The following PTPRT variants were observed in gnomAD, a reference collection of about 807,000 sequenced individuals.
PTPRT encodes protein tyrosine phosphatase receptor type T, also known as receptor-type tyrosine-protein phosphatase T.
A neutral mutation model predicts 176.8 loss-of-function variants in PTPRT; 56 were observed. The observed-to-expected ratio is 0.32, with a 90% CI of 0.26 to 0.40. PTPRT has a LOEUF of 0.40. PTPRT is among the 10% of genes least tolerant of loss of function. The pLI is 1.00. For missense variants in PTPRT, 1,540 were observed against 1,908.2 expected (o/e 0.81, Z 3.60); for synonymous variants, 783 against 739.0 (o/e 1.06, Z -0.96).
At chr20:43,101,098 T>A (rs2012377059) in intron 1 of PTPRT, among the ~76,000 whole-genome samples, 1 of 152,176 alleles carries the variant, frequency 6.6e-6, no homozygotes, top group South Asian at 2.1e-4. Context: ...TAATGCCACA[T>A]AAACACATGC....
intron 16 of PTPRT, among the ~76,000 whole-genome samples, chr20:42,193,193 C>A (rs1050155602): frequency 6.6e-6 from 1 of 152,166 alleles, no homozygotes; most frequent in African/African-American, 2.4e-5. Context: ...AAAATGAATT[C>A]GATAATAATC....
Position 42,967,261 on chromosome 20 carries a change from C to T in PTPRT, c.89-81329G>A, listed in dbSNP as rs1361795125. Among the ~76,000 whole-genome samples, 4 of 152,128 alleles carry T rather than the reference C, an allele frequency of 2.6e-5. No homozygotes were observed. The South Asian group carries it at 6.2e-4, about 24-fold the overall frequency. On this transcript the variant is annotated intron_variant, in intron 1 of 30. Transcript: ENST00000373187. ...TGTGAATCTGACCTTATTTGGAAAA[C>T]GGGTCTTAGCAGATGTAATTAATTT...
At chr20:42,313,600 T>A (rs1354265470) in intron 12 of PTPRT, among the ~76,000 whole-genome samples, 1 of 152,158 alleles carries the variant, frequency 6.6e-6, no homozygotes, top group Non-Finnish European at 1.5e-5. Context: ...TCCCATCTCA[T>A]CATGGAAACC....
At chr20:43,079,984 G>A (rs561990818) in intron 1 of PTPRT, among the ~76,000 whole-genome samples, 7 of 152,112 alleles carry the variant, frequency 4.6e-5, no homozygotes, top group Admixed American at 2.0e-4. Context: ...GTAGGCTTTC[G>A]GAGAAAAGCC....
intron 7 of PTPRT, among the ~76,000 whole-genome samples, chr20:42,475,413 A>T (rs2071272454): frequency 6.6e-6 from 1 of 152,250 alleles, no homozygotes; most frequent in African/African-American, 2.4e-5. Flanking sequence ...TCTGTCCTAG[A>T]GGAAACCAAA....
At chr20:42,118,106 G>C (rs889065200) in intron 21 of PTPRT, among the ~76,000 whole-genome samples, 8 of 152,178 alleles carry the variant, frequency 5.3e-5, no homozygotes, top group African/African-American at 1.9e-4. Flanking sequence ...GACAGTTGTA[G>C]ATACAAGTAG....
intron 6 of PTPRT, among the ~76,000 whole-genome samples, chr20:42,717,867 C>CTGTG (rs72024227): frequency 0.048 from 7,192 of 150,202 alleles, 536 homozygotes; most frequent in African/African-American, 0.16. Context: ...TCAAGATCAC[C>CTGTG]TGTGTGTGTG....
chr20:42,369,845 A>G (rs2058564117), intron 9 of PTPRT, among the ~76,000 whole-genome samples: 1 of 152,210 alleles, frequency 6.6e-6, no homozygotes, highest in Non-Finnish European at 1.5e-5. Context: ...GATTTTCTGT[A>G]AGGCAATTTG....
intron 1 of PTPRT, among the ~76,000 whole-genome samples, chr20:42,898,239 T>C (rs1240514700): frequency 6.6e-6 from 1 of 152,156 alleles, no homozygotes; most frequent in Non-Finnish European, 1.5e-5. Context: ...GACGGGGTCT[T>C]GCTCTGTCAC....
intron 1 of PTPRT, among the ~76,000 whole-genome samples, chr20:42,917,344 A>T (rs1239722272): frequency 6.6e-6 from 1 of 152,116 alleles, no homozygotes; most frequent in Middle Eastern, 3.2e-3. Context: ...TACCAGTACC[A>T]TGCTGTTTTG....
chr20:42,495,443 CTCTT>C (rs977339363), intron 7 of PTPRT, among the ~76,000 whole-genome samples: 3 of 152,124 alleles, frequency 2.0e-5, no homozygotes, highest in Admixed American at 2.0e-4. Flanking sequence ...TATACTTTCT[CTCTT>C]TATTTGGCAT....
At chr20:42,723,695 C>A (rs1305077070) in intron 6 of PTPRT, among the ~76,000 whole-genome samples, 1 of 152,172 alleles carries the variant, frequency 6.6e-6, no homozygotes, top group African/African-American at 2.4e-5. Context: ...CAGAGGAGAT[C>A]CCAGCAAGAT....
At chr20:42,988,258 C>G (rs897042035) in intron 1 of PTPRT, among the ~76,000 whole-genome samples, 3 of 152,182 alleles carry the variant, frequency 2.0e-5, no homozygotes, top group African/African-American at 7.2e-5. Context: ...TCAGAGGGGC[C>G]TCACTTTCCT....
chr20:42,364,243 G>T (rs1187864563), intron 9 of PTPRT, among the ~76,000 whole-genome samples: 1 of 152,082 alleles, frequency 6.6e-6, no homozygotes, highest in Non-Finnish European at 1.5e-5. Context: ...CACACATTCT[G>T]GGCCAGTGCG....
intron 1 of PTPRT, among the ~76,000 whole-genome samples, chr20:42,962,104 A>C (rs934099068): frequency 1.3e-5 from 2 of 152,198 alleles, no homozygotes; most frequent in African/African-American, 4.8e-5. Context: ...TAAGCCACTA[A>C]ATTTGTGTTA....
Position 42,161,424 on chromosome 20 carries a change from C to G in PTPRT, c.2610G>C (p.Arg870=), listed in dbSNP as rs758991231. The part of the protein sequence containing the change: ...YPRDQFQPAI[R]VADLLQHITQ... ...TGATGTGCTGCAGCAAGTCAGCCAC[C>G]CGGATGGCGGGTTGGAACTGGTCCC... The change falls in exon 17 of 31, where the codon CGG becomes CGC. Residue 870 remains arginine, a synonymous_variant. Coordinates refer to ENST00000373187, the MANE Select transcript of PTPRT (RefSeq NM_007050.6). 6.2e-7 allele frequency: 1 copy of G among 1,614,144 alleles called. No individual in the cohort carries two copies. The highest frequency in any genetic ancestry group is 2.2e-5 in the East Asian group (1 of 44,872).
chr20:43,100,523 A>G (rs559986857), intron 1 of PTPRT, among the ~76,000 whole-genome samples: 35 of 152,376 alleles, frequency 2.3e-4, no homozygotes, highest in African/African-American at 8.4e-4. Context: ...ATCAAGTATC[A>G]TCAAAACATT....
chr20:42,659,657 T>C (rs2075188695), intron 7 of PTPRT, among the ~76,000 whole-genome samples: 2 of 152,202 alleles, frequency 1.3e-5, no homozygotes, highest in African/African-American at 4.8e-5. Context: ...ATGTACCAAC[T>C]ATAAAAGGTA....
intron 4 of PTPRT, among the ~76,000 whole-genome samples, chr20:42,775,204 C>T (rs372980897): frequency 1.3e-5 from 2 of 152,020 alleles, no homozygotes; most frequent in African/African-American, 2.4e-5. Context: ...AATGCCTTGA[C>T]GTTAGTGACA....
Sources: gnomAD v4.1 joint callset for allele counts (sites outside exome capture counted in the v4.1 genomes callset) on GRCh38, gnomAD v4.1.1 for gene constraint, MANE v1.5 for transcripts, NCBI Gene and HGNC (gene_info 2026-07-23, HGNC 2026-07-21) for gene names.